SH3RF3: variants seen among roughly 807,000 people sequenced by gnomAD.
SH3RF3 encodes the protein E3 ubiquitin-protein ligase SH3RF3.
SH3RF3 carries 29 observed loss-of-function variants against 66.3 expected under a neutral mutation model. The ratio of observed to expected loss-of-function variants is 0.44; its 90% CI spans 0.33 to 0.60. The LOEUF is 0.60. Among genes scored for constraint, SH3RF3 ranks in the 20% least tolerant of loss-of-function variants. SH3RF3 has a pLI of 0.04. For missense variants in SH3RF3, 1,194 were observed against 1,190.9 expected, an observed-to-expected ratio of 1.00 and a Z score of -0.04; for synonymous variants, 583 against 532.0, an observed-to-expected ratio of 1.10 and a Z score of -1.32.
intron 5 of SH3RF3, among the ~76,000 whole-genome samples, chr2:109,424,565 GTC>G (rs1176228315): frequency 6.6e-6 from 1 of 152,202 alleles, no homozygotes. Flanking sequence ...CTCACTTCGA[GTC>G]TCTGTGTCAC....
chr2:109,130,084 G>A lies in SH3RF3; in HGVS notation c.544G>A (p.Ala182Thr), dbSNP rs1037612630. The A allele has an allele frequency of 2.2e-6, 3 of 1,364,572 alleles. No homozygotes were observed. Among genetic ancestry groups the A allele is most frequent in the Non-Finnish European group, 1.9e-6 (2 of 1,060,440 alleles). 84.5% of individuals were successfully genotyped at this position (1,364,572 alleles called of 1,614,324 possible). A position where few individuals can be genotyped will look rare whatever the true frequency, so the allele number is the denominator to read the frequency against. ...GSTAGSLRELATSRTAPAAKN... is the reference protein window; with the variant it reads ...GSTAGSLRELTTSRTAPAAKN... ...CACCGCCGGCAGTCTGCGGGAGCTG[G>A]CGACCAGCAGGACCGCGCCGGCGGC... Residue 182 changes from alanine to threonine, a missense_variant, in exon 1 of 10, where the codon GCG becomes ACG. Coordinates refer to ENST00000309415, the MANE Select transcript of SH3RF3 (RefSeq NM_001099289.3).
intron 8 of SH3RF3, among the ~76,000 whole-genome samples, chr2:109,484,782 G>A (rs1256325446): frequency 1.3e-5 from 2 of 152,182 alleles, no homozygotes; most frequent in Non-Finnish European, 2.9e-5. Flanking sequence ...CTGAGACCTG[G>A]TATCAACAGT....
chr2:109,194,311 G>A (rs1229201273), intron 1 of SH3RF3, among the ~76,000 whole-genome samples: 1 of 152,198 alleles, frequency 6.6e-6, no homozygotes, highest in Non-Finnish European at 1.5e-5. Flanking sequence ...GGGGACTTTC[G>A]AAAGCTTGGG....
intron 1 of SH3RF3, among the ~76,000 whole-genome samples, chr2:109,165,791 G>A (rs1412860865): frequency 6.6e-6 from 1 of 152,136 alleles, no homozygotes; most frequent in Admixed American, 6.5e-5. Context: ...CATTTAGCAT[G>A]AGTGTGTTAA....
At chr2:109,202,900 G>A (rs930748726) in intron 1 of SH3RF3, among the ~76,000 whole-genome samples, 1 of 152,232 alleles carries the variant, frequency 6.6e-6, no homozygotes, top group African/African-American at 2.4e-5. Flanking sequence ...GTTTTGTCCC[G>A]ATAGTAATGT....
chr2:109,359,078 C>T (rs1337429612), intron 2 of SH3RF3, among the ~76,000 whole-genome samples: 1 of 152,154 alleles, frequency 6.6e-6, no homozygotes, highest in Non-Finnish European at 1.5e-5. Flanking sequence ...TGTCAAAGAT[C>T]AGCTGACTGT....
chr2:109,489,393 G>A (rs973629206), intron 8 of SH3RF3, among the ~76,000 whole-genome samples: 1 of 152,226 alleles, frequency 6.6e-6, no homozygotes, highest in African/African-American at 2.4e-5. Context: ...GGCTGGGGCC[G>A]GAGCAGTTGT....
Position 109,449,270 on chromosome 2 carries a change from G to A in SH3RF3, c.1929G>A (p.Arg643=). The A allele has an allele frequency of 6.2e-7, 1 of 1,611,692 alleles. No homozygotes were observed. Among genetic ancestry groups the A allele is most frequent in the Non-Finnish European group, 8.5e-7 (1 of 1,178,940 alleles). ...CCCGCCTGCCTGCCACCAGCCTCAG[G>A]CCCCACTCGGTGGTGTCCCCGCAGC... ...SPSRLPATSL[R]PHSVVSPQHS... is the part of the protein sequence containing the mutation. The change falls in exon 8 of 10, where the codon AGG becomes AGA. Residue 643 remains arginine (R), a synonymous_variant. Transcript: ENST00000309415.
In SH3RF3 at chr2:109,347,760, C is replaced by G. The variant is rs749495008; in HGVS notation, c.660C>G (p.Ile220Met). Residue 220 changes from isoleucine to methionine, a missense_variant, in exon 2 of 10, where the codon ATC becomes ATG. Ile to Met is a conservative substitution (Grantham distance 10). Transcript: ENST00000309415. Reference protein sequence around the residue: ...PGDLKFNKGDIIVLRRKVDEQ... With the variant: ...PGDLKFNKGDMIVLRRKVDEQ... ...ACCTCAAGTTCAACAAGGGGGACAT[C>G]ATCGTCCTGCGGCGCAAGGTGGATG... 1 of 1,613,998 alleles carries G rather than the reference C, an allele frequency of 6.2e-7. No homozygotes were observed. The highest frequency in any genetic ancestry group is 8.5e-7 in the Non-Finnish European group (1 of 1,179,882).
chr2:109,260,071 C>T (rs1262782169), intron 1 of SH3RF3, among the ~76,000 whole-genome samples: 1 of 152,046 alleles, frequency 6.6e-6, no homozygotes, highest in African/African-American at 2.4e-5. Context: ...TTATCTCAAC[C>T]CTGGGAATAC....
At chr2:109,206,490 C>CAAAAAAAAAAAAAAA (rs36060217) in intron 1 of SH3RF3, among the ~76,000 whole-genome samples, 2 of 40,760 alleles carry the variant, frequency 4.9e-5, no homozygotes, top group African/African-American at 2.0e-4. Flanking sequence ...GACTCCGTCT[C>CAAAAAAAAAAAAAAA]AAAAAAAAAA....
chr2:109,409,154 A>G (rs981590818), intron 4 of SH3RF3, among the ~76,000 whole-genome samples: 1 of 152,152 alleles, frequency 6.6e-6, no homozygotes, highest in African/African-American at 2.4e-5. Context: ...CATTCGCCTT[A>G]GTAATATTGT....
intron 1 of SH3RF3, among the ~76,000 whole-genome samples, chr2:109,157,458 A>G (rs550294851): frequency 1.3e-5 from 2 of 152,396 alleles, no homozygotes; most frequent in South Asian, 4.1e-4. Context: ...ATCTGTAAAA[A>G]TAAAATATCT....
At chr2:109,167,339 T>C (rs1254488725) in intron 1 of SH3RF3, among the ~76,000 whole-genome samples, 1 of 152,154 alleles carries the variant, frequency 6.6e-6, no homozygotes, top group African/African-American at 2.4e-5. Context: ...CACTTGCAGG[T>C]GGAACATGAA....
At chr2:109,251,533 A>G (rs1680091892) in intron 1 of SH3RF3, 2 of 755,876 alleles carry the variant, frequency 2.6e-6, no homozygotes, top group Non-Finnish European at 4.9e-6. Flanking sequence ...TGGTCCCTTT[A>G]TGAATCTTGT....
intron 1 of SH3RF3, among the ~76,000 whole-genome samples, chr2:109,168,007 A>G (rs1054612253): frequency 6.6e-6 from 1 of 152,176 alleles, no homozygotes; most frequent in African/African-American, 2.4e-5. Context: ...ATCTCTCTAA[A>G]TGTGGCATGG....
chr2:109,302,626 C>T (rs1212774963), intron 1 of SH3RF3, among the ~76,000 whole-genome samples: 1 of 152,218 alleles, frequency 6.6e-6, no homozygotes, highest in Non-Finnish European at 1.5e-5. Context: ...AGGGGATTAG[C>T]CAGCCCAGGC....
chr2:109,272,792 C>A (rs927505085), intron 1 of SH3RF3, among the ~76,000 whole-genome samples: 1 of 152,166 alleles, frequency 6.6e-6, no homozygotes, highest in Non-Finnish European at 1.5e-5. Flanking sequence ...GTTAAACAGC[C>A]CCCGGTACTG....
In SH3RF3 at chr2:109,329,293, C is replaced by T. The variant is rs145726316; in HGVS notation, c.574-18381C>T. Among the ~76,000 whole-genome samples the T allele has an allele frequency of 9.6e-4, 146 of 152,252 alleles. 1 individual carries two copies. The highest frequency in any genetic ancestry group is 3.3e-3 in the African/African-American group (137 of 41,532). ...TAAATCTCTCCATCTGAGAAACATC[C>T]TGGAGATGTGGAAAAAAACACAACT... On this transcript the variant is annotated intron_variant, in intron 1 of 9. Coordinates refer to ENST00000309415, the MANE Select transcript of SH3RF3 (RefSeq NM_001099289.3).
Sources: gnomAD v4.1 joint callset for allele counts (sites outside exome capture counted in the v4.1 genomes callset) on GRCh38, gnomAD v4.1.1 for gene constraint, MANE v1.5 for transcripts, NCBI Gene and HGNC (gene_info 2026-07-23, HGNC 2026-07-21) for gene names.